PCGF5: variants seen among roughly 807,000 people sequenced by gnomAD.
PCGF5 encodes the protein polycomb group RING finger protein 5.
A neutral mutation model predicts 44.3 loss-of-function variants in PCGF5; 9 were observed. The observed-to-expected ratio is 0.20, with a 90% CI of 0.12 to 0.35. The LOEUF is 0.35. Among genes scored for constraint, PCGF5 ranks in the 10% least tolerant of loss-of-function variants. The pLI is 1.00. For synonymous variants in PCGF5, 95 were observed against 102.5 expected (o/e 0.93, Z 0.44); for missense variants, 146 against 305.3 (o/e 0.48, Z 3.89).
intron 1 of PCGF5, among the ~76,000 whole-genome samples, chr10:91,171,998 G>T (rs1441869559): frequency 1.1e-4 from 16 of 152,198 alleles, no homozygotes; most frequent in Admixed American, 8.5e-4. Context: ...TAAGGAAGTT[G>T]TTCCTTTATT....
intron 9 of PCGF5, among the ~76,000 whole-genome samples, chr10:91,275,437 T>G (rs1372339647): frequency 6.9e-6 from 1 of 144,350 alleles, no homozygotes; most frequent in East Asian, 1.9e-4. Flanking sequence ...AAAATAAAAC[T>G]ACATTTTATT....
chr10:91,204,505 A>G (rs1844305694), intron 1 of PCGF5, among the ~76,000 whole-genome samples: 1 of 152,162 alleles, frequency 6.6e-6, no homozygotes, highest in Admixed American at 6.6e-5. Flanking sequence ...ATTGTGTTCC[A>G]GGCACATTTT....
intron 1 of PCGF5, among the ~76,000 whole-genome samples, chr10:91,198,456 C>T (rs1466174432): frequency 1.3e-5 from 2 of 152,198 alleles, no homozygotes; most frequent in African/African-American, 4.8e-5. Flanking sequence ...TTGCTGACAC[C>T]TTGTTTTAAA....
chr10:91,273,368 G>T (rs915750997), intron 9 of PCGF5, among the ~76,000 whole-genome samples: 2 of 152,156 alleles, frequency 1.3e-5, no homozygotes, highest in Admixed American at 6.5e-5. Flanking sequence ...TTTACTCTTG[G>T]TGTTGATGCC....
At chr10:91,158,265 A>G (rs1843343746), upstream of PCGF5, among the ~76,000 whole-genome samples, 1 of 152,222 alleles carries the variant, frequency 6.6e-6, no homozygotes, top group Admixed American at 6.5e-5. Flanking sequence ...TGATCTTCTT[A>G]AAATACTGCC....
intron 2 of PCGF5, chr10:91,227,771 C>G (rs1844888308): frequency 5.0e-6 from 5 of 997,882 alleles, no homozygotes; most frequent in Non-Finnish European, 6.0e-6. Context: ...CCCCTACCAC[C>G]TAACACTCAC....
upstream of PCGF5, among the ~76,000 whole-genome samples, chr10:91,216,656 A>T (rs564343025): frequency 5.3e-5 from 8 of 152,166 alleles, no homozygotes; most frequent in Non-Finnish European, 1.2e-4. Context: ...ATGATAGTGG[A>T]TCTGAACAGG....
intron 1 of PCGF5, among the ~76,000 whole-genome samples, chr10:91,192,421 C>T (rs1180064986): frequency 1.3e-5 from 2 of 152,170 alleles, no homozygotes; most frequent in South Asian, 2.1e-4. Flanking sequence ...ATGCTATTGA[C>T]CACAGCCATG....
chr10:91,208,039 A>G (rs958178422), intron 1 of PCGF5, among the ~76,000 whole-genome samples: 8 of 152,218 alleles, frequency 5.3e-5, no homozygotes, highest in Admixed American at 3.3e-4. Flanking sequence ...ATCTCTGTCG[A>G]GAGACACTGT....
chr10:91,257,825 G>A (rs933892150), intron 6 of PCGF5, among the ~76,000 whole-genome samples: 1 of 152,056 alleles, frequency 6.6e-6, no homozygotes. Flanking sequence ...TAAAAGAATT[G>A]AAAACATGTT....
In PCGF5 at chr10:91,248,494, C is replaced by A. The variant is rs747215047; in HGVS notation, c.210-11C>A. ...TCATTGTTAGTATTTTCTTTCTCCC[C>A]CCTTTCGAAGGTTGGACAATACATT... is the stretch of plus-strand genomic sequence containing the variant. On this transcript the variant is annotated splice_polypyrimidine_tract_variant and intron_variant, in intron 3 of 9. Transcript: ENST00000336126. 1.8e-5 allele frequency: 29 copies of A among 1,608,696 alleles called. No homozygotes were observed. The East Asian group carries it at 6.5e-4, about 36-fold the overall frequency.
chr10:91,202,203 G>A (rs1844266409), intron 1 of PCGF5, among the ~76,000 whole-genome samples: 1 of 152,224 alleles, frequency 6.6e-6, no homozygotes, highest in African/African-American at 2.4e-5. Flanking sequence ...TAAGTGCTAT[G>A]ATGATGATGG....
intron 3 of PCGF5, among the ~76,000 whole-genome samples, chr10:91,242,498 A>G (rs970097069): frequency 6.6e-6 from 1 of 152,178 alleles, no homozygotes; most frequent in Non-Finnish European, 1.5e-5. Flanking sequence ...AAGGCAATTT[A>G]TCTTAATCTT....
chr10:91,278,239 T>G, intron 9 of PCGF5, 30 bp from the exon 10 acceptor site: 2 of 1,534,768 alleles, frequency 1.3e-6, no homozygotes. Context: ...CCAAATACAG[T>G]CTTATTTATT....
At chr10:91,248,873 T>C in intron 5 of PCGF5, 149 bp downstream of exon 5, 1 of 681,996 alleles carries the variant, frequency 1.5e-6, no homozygotes. Flanking sequence ...CCTTTTTCTC[T>C]ATATGAGATT....
chr10:91,253,259 C>A (rs566715643), intron 6 of PCGF5, among the ~76,000 whole-genome samples: 3 of 151,834 alleles, frequency 2.0e-5, no homozygotes, highest in Admixed American at 2.0e-4. Context: ...ACAGGTTTGG[C>A]GTAAGGTTAT....
intron 1 of PCGF5, among the ~76,000 whole-genome samples, chr10:91,168,414 T>C (rs578009367): frequency 1.3e-5 from 2 of 152,214 alleles, no homozygotes; most frequent in Admixed American, 6.5e-5. Context: ...AAAAGGACAT[T>C]AGATTTGTCA....
intron 8 of PCGF5, among the ~76,000 whole-genome samples, chr10:91,267,677 G>A (rs1207558545): frequency 6.6e-6 from 1 of 152,108 alleles, no homozygotes; most frequent in African/African-American, 2.4e-5. Context: ...AATTCTGACA[G>A]TTGAGTGACA....
intron 9 of PCGF5, 38 bp from the exon 10 acceptor site, chr10:91,278,231 A>G: frequency 6.7e-7 from 1 of 1,492,756 alleles, no homozygotes; most frequent in Non-Finnish European, 9.3e-7. Context: ...GTTTTTATCC[A>G]AATACAGTCT....
Sources: allele counts gnomAD v4.1 joint callset (sites outside exome capture counted in the v4.1 genomes callset), GRCh38; gene constraint gnomAD v4.1.1; transcripts MANE v1.5; gene names NCBI Gene and HGNC (gene_info 2026-07-23, HGNC 2026-07-21).